Variants in TRPC7 observed in about 807,000 individuals in gnomAD.
TRPC7 encodes transient receptor potential cation channel subfamily C member 7, also known as short transient receptor potential channel 7.
Under a neutral mutation model 90.1 loss-of-function variants are expected in TRPC7, and 42 were observed. The ratio of observed to expected loss-of-function variants is 0.47; its 90% confidence interval spans 0.36 to 0.60. The LOEUF (loss-of-function observed/expected upper bound fraction) is 0.60. Ranked by LOEUF, TRPC7 falls within the 20% of genes least tolerant of loss-of-function variation. The pLI is 0.00. For missense variants in TRPC7, 955 were observed against 1,112.3 expected (o/e 0.86, Z 2.01); for synonymous variants, 451 against 436.3 (o/e 1.03, Z -0.42).
chr5:136,252,725 C>T (rs903760003), intron 5 of TRPC7, among the ~76,000 whole-genome samples: 29 of 152,182 alleles, frequency 1.9e-4, no homozygotes, highest in Non-Finnish European at 3.4e-4. Context: ...CCCTCACATG[C>T]ATAATTTACA....
chr5:136,289,316 C>T (rs1757846702), intron 3 of TRPC7, among the ~76,000 whole-genome samples: 1 of 152,226 alleles, frequency 6.6e-6, no homozygotes, highest in Non-Finnish European at 1.5e-5. Context: ...GGGTGCAGTG[C>T]ACCATGCGTG....
chr5:136,287,974 T>C (rs1757788186), intron 3 of TRPC7, among the ~76,000 whole-genome samples: 1 of 152,164 alleles, frequency 6.6e-6, no homozygotes, highest in African/African-American at 2.4e-5. Context: ...AGACTTCATA[T>C]AGTTCAGAAA....
At chr5:136,313,608 T>C (rs1408284938) in intron 3 of TRPC7, among the ~76,000 whole-genome samples, 1 of 152,258 alleles carries the variant, frequency 6.6e-6, no homozygotes, top group Non-Finnish European at 1.5e-5. Flanking sequence ...TCATGAAGAA[T>C]AAATGTCAAG....
chr5:136,278,318 C>A (rs908465619), intron 3 of TRPC7, among the ~76,000 whole-genome samples: 4 of 152,252 alleles, frequency 2.6e-5, no homozygotes, highest in Non-Finnish European at 5.9e-5. Flanking sequence ...GAGTAAATGG[C>A]ATGGCCAGAG....
At chr5:136,276,058 A>T (rs1232882327) in intron 3 of TRPC7, among the ~76,000 whole-genome samples, 1 of 152,222 alleles carries the variant, frequency 6.6e-6, no homozygotes, top group Non-Finnish European at 1.5e-5. Context: ...CTACCAGAAC[A>T]TCCCTTTTCT....
rs369748111 is a variant in TRPC7 at position 136,315,738 on chromosome 5, T to C, written c.822A>G (p.Val274=). ...RKLSMQCKDF[V]VGVLDLCRDT... ...CTCGGCACAGGTCCAGCACGCCCAC[T>C]ACAAAATCCTTGCATTGCATAGATA... Residue 274 remains valine, a synonymous_variant, in exon 3 of 12, where the codon GTA becomes GTG. Coordinates refer to ENST00000513104, the MANE Select transcript of TRPC7 (RefSeq NM_020389.3). The C allele has an allele frequency of 2.5e-5, 41 of 1,613,924 alleles. No homozygotes were observed. The highest frequency in any genetic ancestry group is 1.6e-4 in the Middle Eastern group (1 of 6,080).
chr5:136,276,907 TC>T (rs1757382382), intron 3 of TRPC7, among the ~76,000 whole-genome samples: 1 of 152,216 alleles, frequency 6.6e-6, no homozygotes, highest in Non-Finnish European at 1.5e-5. Context: ...CTTTTGTTTT[TC>T]AACTGCCAGC....
chr5:136,301,757 C>T (rs532613624), intron 3 of TRPC7, among the ~76,000 whole-genome samples: 1 of 152,348 alleles, frequency 6.6e-6, no homozygotes, highest in Admixed American at 6.5e-5. Flanking sequence ...CTCAGCCTGC[C>T]TGCACCCAGG....
At chr5:136,291,862 C>G (rs144116040) in intron 3 of TRPC7, among the ~76,000 whole-genome samples, 1 of 152,122 alleles carries the variant, frequency 6.6e-6, no homozygotes, top group African/African-American at 2.4e-5. Context: ...CCACACCACA[C>G]CAATTCCAAA....
chr5:136,216,108 G>A (rs989531822), intron 11 of TRPC7, 92 bp downstream of exon 11: 1 of 1,049,978 alleles, frequency 9.5e-7, no homozygotes, highest in Non-Finnish European at 1.4e-6. Context: ...AAGGAGCACA[G>A]TGCCCTGACA....
chr5:136,305,892 T>TTA (rs1219043679), intron 3 of TRPC7, among the ~76,000 whole-genome samples: 1 of 152,184 alleles, frequency 6.6e-6, no homozygotes, highest in Non-Finnish European at 1.5e-5. Flanking sequence ...GACAATACTT[T>TTA]TACCACTTTC....
intron 2 of TRPC7, among the ~76,000 whole-genome samples, chr5:136,351,623 G>A (rs909769133): frequency 3.9e-5 from 6 of 152,068 alleles, no homozygotes; most frequent in African/African-American, 1.4e-4. Context: ...TCTGAGCCCT[G>A]GCACAACAAG....
chr5:136,306,715 C>T (rs937995515), intron 3 of TRPC7, among the ~76,000 whole-genome samples: 2 of 152,116 alleles, frequency 1.3e-5, no homozygotes, highest in African/African-American at 4.8e-5. Context: ...CTGCCCCACC[C>T]TAACTGATCA....
rs561132618 is a variant in TRPC7 at position 136,265,466 on chromosome 5, A to AT, written c.1345+753dup. On this transcript the variant is annotated intron_variant, in intron 5 of 11. Coordinates refer to ENST00000513104, the MANE Select transcript of TRPC7 (RefSeq NM_020389.3). ...TTTTAATTTTTTCCTACTAAGACTG[A>AT]TTTTTTTTTAACCAACCAGTTTTGT... Among the ~76,000 whole-genome samples the AT allele has an allele frequency of 6.3e-3, 948 of 151,570 alleles. 9 individuals carry two copies. The highest frequency in any genetic ancestry group is 0.021 in the African/African-American group (860 of 41,384).
chr5:136,321,868 C>T (rs2149841898), intron 2 of TRPC7, among the ~76,000 whole-genome samples: 1 of 152,250 alleles, frequency 6.6e-6, no homozygotes, highest in East Asian at 1.9e-4. Context: ...CATGATGTTG[C>T]ATGCATCAAT....
intron 3 of TRPC7, among the ~76,000 whole-genome samples, chr5:136,307,854 A>T (rs1031024782): frequency 1.3e-5 from 2 of 152,216 alleles, no homozygotes; most frequent in African/African-American, 2.4e-5. Context: ...AACAGTTTCC[A>T]TTGGCTACTT....
intron 3 of TRPC7, among the ~76,000 whole-genome samples, chr5:136,280,428 G>A (rs189682088): frequency 6.6e-6 from 1 of 152,294 alleles, no homozygotes; most frequent in Non-Finnish European, 1.5e-5. Flanking sequence ...CATGTAATAG[G>A]TGCTCAATAA....
intron 8 of TRPC7, among the ~76,000 whole-genome samples, chr5:136,227,390 G>A (rs1433158153): frequency 1.3e-5 from 2 of 152,254 alleles, no homozygotes; most frequent in Admixed American, 6.5e-5. Flanking sequence ...CCCTGAGGTC[G>A]GTAGTGCATG....
intron 3 of TRPC7, among the ~76,000 whole-genome samples, chr5:136,300,865 G>A (rs1183568534): frequency 3.3e-5 from 5 of 152,168 alleles, no homozygotes; most frequent in African/African-American, 1.2e-4. Context: ...TGCATGCAGG[G>A]CATGTACTGT....
Sources: gnomAD v4.1 joint callset for allele counts (sites outside exome capture counted in the v4.1 genomes callset) on GRCh38, gnomAD v4.1.1 for gene constraint, MANE v1.5 for transcripts, NCBI Gene and HGNC (gene_info 2026-07-23, HGNC 2026-07-21) for gene names.